The following ARL14EPL variants were observed in gnomAD, a reference collection of about 807,000 sequenced individuals.
ARL14EPL encodes ARF like GTPase 14 effector protein like, also known as ARL14 effector protein-like.
ARL14EPL carries 17 observed loss-of-function variants against 15.9 expected under a neutral mutation model. That is an observed-to-expected ratio of 1.07 (90% CI 0.73 to 1.60). The LOEUF (loss-of-function observed/expected upper bound fraction) is 1.60. ARL14EPL is among the 40% of genes most tolerant of loss of function. The pLI, the probability that ARL14EPL is intolerant of heterozygous loss-of-function variation, is 0.00. For synonymous variants in ARL14EPL, 78 were observed against 63.8 expected (o/e 1.22, Z -1.06); for missense variants, 214 against 185.9 (o/e 1.15, Z -0.88).
chr5:116,039,819 T>C (rs767231929), intron 1 of ARL14EPL, among the ~76,000 whole-genome samples: 4 of 152,192 alleles, frequency 2.6e-5, no homozygotes, highest in Non-Finnish European at 4.4e-5. Flanking sequence ...AACATGATGA[T>C]ATAATGAACA....
intron 1 of ARL14EPL, among the ~76,000 whole-genome samples, chr5:116,042,443 G>A (rs1414399513): frequency 6.6e-6 from 1 of 152,172 alleles, no homozygotes; most frequent in East Asian, 1.9e-4. Flanking sequence ...TTCTATATCA[G>A]TGCCATCCAC....
chr5:116,044,919 T>G (rs922225118), intron 1 of ARL14EPL, among the ~76,000 whole-genome samples: 4 of 152,158 alleles, frequency 2.6e-5, no homozygotes, highest in Non-Finnish European at 4.4e-5. Context: ...CCAGTATTCT[T>G]TCCTTCTTTT....
At chr5:116,033,081 G>T (rs182264463) in intron 1 of ARL14EPL, among the ~76,000 whole-genome samples, 3 of 152,250 alleles carry the variant, frequency 2.0e-5, no homozygotes, top group South Asian at 2.1e-4. Flanking sequence ...TTCCAGGTGT[G>T]AGCCCCCACA....
At position 116,058,761 on chromosome 5, in the gene ARL14EPL, C is replaced by A; in HGVS notation, c.273C>A (p.Ile91=). The change falls in exon 4 of 4, where the codon ATC becomes ATA. Residue 91 remains isoleucine (I), a synonymous_variant. Transcript: ENST00000686077. ...MRKYDKSGRL[I]CNDADLCDCL... is the part of the protein sequence containing the mutation. ...AGTATGACAAAAGTGGCAGGCTCAT[C>A]TGTAATGACGCTGATCTGTGTGATT... The A allele has an allele frequency of 6.5e-7, 1 of 1,535,568 alleles. No homozygotes were observed. Among genetic ancestry groups the A allele is most frequent in the Non-Finnish European group, 8.7e-7 (1 of 1,146,908 alleles).
At chr5:116,051,256 AGAG>A (rs1749370995) in intron 1 of ARL14EPL, 198 bp from the exon 2 acceptor site, 3 of 472,702 alleles carry the variant, frequency 6.3e-6, no homozygotes, top group Non-Finnish European at 1.1e-5. Context: ...AACCCCCGGC[AGAG>A]GAGAGCCTCA....
At chr5:116,042,781 A>G (rs1749187556) in intron 1 of ARL14EPL, among the ~76,000 whole-genome samples, 3 of 152,192 alleles carry the variant, frequency 2.0e-5, no homozygotes, top group African/African-American at 4.8e-5. Context: ...ACCAGACCCT[A>G]TATCATATAG....
intron 3 of ARL14EPL, 125 bp from the exon 4 acceptor site, chr5:116,058,599 TG>T: frequency 1.2e-6 from 1 of 854,170 alleles, no homozygotes; most frequent in Non-Finnish European, 1.8e-6. Flanking sequence ...CCAATGTTTC[TG>T]GTAATCTCTG....
chr5:116,036,174 C>T (rs967511651), intron 1 of ARL14EPL, among the ~76,000 whole-genome samples: 5 of 152,212 alleles, frequency 3.3e-5, no homozygotes, highest in African/African-American at 9.6e-5. Context: ...GCTTAAGGTG[C>T]TAGCAGAAGC....
Position 116,059,142 on chromosome 5 carries a change from C to T in ARL14EPL, c.*195C>T. On this transcript the variant is annotated 3_prime_UTR_variant, in exon 4 of 4. Coordinates refer to ENST00000686077, the MANE Select transcript of ARL14EPL (RefSeq NM_001195581.2). ...TTAACTGTGTCAACAATTTTCAAGTCCCTTAACTTGCAACCAAAGAATGTA... is the reference window on the plus strand; with the variant it reads ...TTAACTGTGTCAACAATTTTCAAGTTCCTTAACTTGCAACCAAAGAATGTA... 1 of 596,766 alleles carries T rather than the reference C, an allele frequency of 1.7e-6. No individual in the cohort carries two copies. The highest frequency in any genetic ancestry group is 2.9e-6 in the Non-Finnish European group (1 of 343,036). 37.0% of individuals were successfully genotyped at this position (596,766 alleles called of 1,614,324 possible). A position where few individuals can be genotyped will look rare whatever the true frequency, so the allele number is the denominator to read the frequency against.
intron 1 of ARL14EPL, among the ~76,000 whole-genome samples, chr5:116,049,826 T>A (rs1237822917): frequency 6.6e-6 from 1 of 152,178 alleles, no homozygotes; most frequent in Admixed American, 6.5e-5. Context: ...CAATTAGAAA[T>A]AACAGTTATT....
intron 1 of ARL14EPL, among the ~76,000 whole-genome samples, chr5:116,036,938 T>G (rs1749059319): frequency 6.6e-6 from 1 of 152,196 alleles, no homozygotes; most frequent in Non-Finnish European, 1.5e-5. Flanking sequence ...AAAGATTTTT[T>G]TTTTTGCTTT....
At chr5:116,054,256 A>G (rs1749462795) in intron 3 of ARL14EPL, 103 bp downstream of exon 3, 2 of 1,226,758 alleles carry the variant, frequency 1.6e-6, no homozygotes, top group Non-Finnish European at 1.1e-6. Flanking sequence ...TTTATTATTT[A>G]AAAATATCTC....
At chr5:116,053,087 G>A (rs1330214902) in intron 2 of ARL14EPL, among the ~76,000 whole-genome samples, 2 of 152,252 alleles carry the variant, frequency 1.3e-5, no homozygotes, top group Middle Eastern at 3.4e-3. Context: ...GCTCACACCT[G>A]TAATCCCAGA....
chr5:116,045,745 AGTGTGTGTGTGT>A (rs56960751), intron 1 of ARL14EPL, among the ~76,000 whole-genome samples: 14 of 148,650 alleles, frequency 9.4e-5, no homozygotes, highest in African/African-American at 3.2e-4. Context: ...GACCCACAGA[AGTGTGTGTGTGT>A]GTGTGTGTGT....
rs187733715 is a variant in ARL14EPL, at chr5:116,054,297, G to T, written c.236+144G>T. On this transcript the variant is annotated intron_variant, in intron 3 of 3. Coordinates refer to ENST00000686077, the MANE Select transcript of ARL14EPL (RefSeq NM_001195581.2). ...AAATATAATAGTACCCATGTGTCTGGACGTTAGCAACCTTAAGAAACAGAA... is the reference window on the plus strand; with the variant it reads ...AAATATAATAGTACCCATGTGTCTGTACGTTAGCAACCTTAAGAAACAGAA... 3.6e-5 allele frequency: 34 copies of T among 948,504 alleles called. No individual in the cohort carries two copies. The African/African-American group carries it at 5.3e-4, about 15-fold the overall frequency. 58.8% of individuals were successfully genotyped at this position (948,504 alleles called of 1,614,324 possible).
rs571242372 is a variant in ARL14EPL at position 116,049,634 on chromosome 5, G to A, written c.-9-1823G>A. The stretch of plus-strand genomic sequence containing the variant: ...CCCAATGGGCAGTTTTTCAGCCCTT[G>A]CCCTCCTTGCCCTTGTGATCTTTTA... On this transcript the variant is annotated intron_variant, in intron 1 of 3. Coordinates refer to ENST00000686077, the MANE Select transcript of ARL14EPL (RefSeq NM_001195581.2). 1.1e-3 allele frequency among the ~76,000 whole-genome samples: 167 copies of A among 152,270 alleles called. 1 individual carries two copies. The highest frequency in any genetic ancestry group is 3.9e-3 in the African/African-American group (164 of 41,560).
chr5:116,046,634 A>G (rs2560675), intron 1 of ARL14EPL, among the ~76,000 whole-genome samples: 113,116 of 152,096 alleles, frequency 0.74, 42,886 homozygotes, highest in Middle Eastern at 0.84. Context: ...TTCAGCCATC[A>G]TGGCTCCTAT....
In ARL14EPL at chr5:116,059,172, T is replaced by C. The variant is rs6861823; in HGVS notation, c.*225T>C. 396,472 of 539,334 alleles carry C rather than the reference T, an allele frequency of 0.74. 147,822 individuals carry two copies. The highest frequency in any genetic ancestry group is 0.79 in the Non-Finnish European group (236,636 of 300,860). 33.4% of individuals were successfully genotyped at this position (539,334 alleles called of 1,614,324 possible). ...AACTTGCAACCAAAGAATGTAACAA[T>C]GGAGGGATCAGCATTTCTCATCAGC... On this transcript the variant is annotated 3_prime_UTR_variant, in exon 4 of 4. Transcript: ENST00000686077.
rs10612147 is a variant in ARL14EPL, at chr5:116,050,829, G to GCACA, written c.-9-603_-9-600dup. On this transcript the variant is annotated intron_variant, in intron 1 of 3. Coordinates refer to ENST00000686077, the MANE Select transcript of ARL14EPL (RefSeq NM_001195581.2). ...CTCTCTCTCTCTTACACACACACAT[G>GCACA]CACACACACACACACACACACACAC... is the stretch of plus-strand genomic sequence containing the variant. Among the ~76,000 whole-genome samples, 309 of 140,970 alleles carry GCACA rather than the reference G, an allele frequency of 2.2e-3. 1 individual carries two copies. The highest frequency in any genetic ancestry group is 7.9e-3 in the African/African-American group (301 of 38,186). The allele number at this position is 140,970 out of a possible 152,430, so 92.5% of individuals were successfully genotyped here. A position where few individuals can be genotyped will look rare whatever the true frequency, so the allele number is the denominator to read the frequency against.
Sources: gnomAD v4.1 joint callset for allele counts (sites outside exome capture counted in the v4.1 genomes callset) on GRCh38, gnomAD v4.1.1 for gene constraint, MANE v1.5 for transcripts, NCBI Gene and HGNC (gene_info 2026-07-23, HGNC 2026-07-21) for gene names.